Variants in LRP1B observed in about 807,000 individuals in gnomAD.
LRP1B encodes the protein low-density lipoprotein receptor-related protein 1B.
A neutral mutation model predicts 556.6 loss-of-function variants in LRP1B; 217 were observed. That is an observed-to-expected ratio of 0.39 (90% CI 0.35 to 0.44). LRP1B has a LOEUF of 0.44. Among genes scored for constraint, LRP1B ranks in the 20% least tolerant of loss-of-function variants. The pLI, the probability that LRP1B is intolerant of heterozygous loss-of-function variation, is 1.00. For missense variants in LRP1B, 5,053 were observed against 5,620.8 expected, an observed-to-expected ratio of 0.90 and a Z score of 3.23; for synonymous variants, 2,047 against 1,865.8, an observed-to-expected ratio of 1.10 and a Z score of -2.50.
intron 32 of LRP1B, among the ~76,000 whole-genome samples, chr2:140,800,417 T>C (rs1199082946): frequency 2.6e-5 from 4 of 152,180 alleles, no homozygotes; most frequent in Non-Finnish European, 1.5e-5. Context: ...AAAAGTTTGC[T>C]GCACTATTTA....
Position 140,633,383 on chromosome 2 carries a change from C to T in LRP1B, c.6800-31744G>A, listed in dbSNP as rs555088612. Among the ~76,000 whole-genome samples, 7 of 151,966 alleles carry T rather than the reference C, an allele frequency of 4.6e-5. No individual in the cohort carries two copies. In the South Asian group the frequency reaches 1.2e-3, roughly 27 times the overall value. On this transcript the variant is annotated intron_variant, in intron 41 of 90. Transcript: ENST00000389484. The stretch of plus-strand genomic sequence containing the variant: ...GCATATATTATAAAACAAGAAAGCT[C>T]AAAAATCAATAATCTCAGGCTCTAC...
chr2:141,322,053 T>A (rs1323835262), intron 3 of LRP1B, among the ~76,000 whole-genome samples: 2 of 152,138 alleles, frequency 1.3e-5, no homozygotes, highest in Non-Finnish European at 2.9e-5. Flanking sequence ...ATCCCCTTGT[T>A]AACAGTGACA....
At chr2:140,631,159 C>T (rs1361668536) in intron 41 of LRP1B, among the ~76,000 whole-genome samples, 1 of 152,156 alleles carries the variant, frequency 6.6e-6, no homozygotes. Context: ...AAACATTAAA[C>T]ATAATCCAAC....
chr2:140,466,755 A>G (rs1469489800), intron 60 of LRP1B, among the ~76,000 whole-genome samples: 1 of 152,220 alleles, frequency 6.6e-6, no homozygotes, highest in Non-Finnish European at 1.5e-5. Flanking sequence ...GAAAAAAACA[A>G]TTTATTGGAA....
chr2:141,159,480 C>T (rs924181987), intron 7 of LRP1B, among the ~76,000 whole-genome samples: 6 of 152,104 alleles, frequency 3.9e-5, no homozygotes, highest in Non-Finnish European at 7.4e-5. Context: ...AATCTTCCTG[C>T]CTTAGCCTCC....
Position 140,795,703 on chromosome 2 carries a change from T to A in LRP1B, c.5359+17954A>T, listed in dbSNP as rs1690279736. Among the ~76,000 whole-genome samples, 7 of 152,038 alleles carry A rather than the reference T, an allele frequency of 4.6e-5. No individual in the cohort carries two copies. The South Asian group carries it at 1.5e-3, about 32-fold the overall frequency. ...TATAACAAGAGGCCATCTACCTAAG[T>A]CTAGATTGGGCTGAATAAAATTGCT... On this transcript the variant is annotated intron_variant, in intron 32 of 90. Coordinates refer to ENST00000389484, the MANE Select transcript of LRP1B (RefSeq NM_018557.3).
At chr2:140,920,074 C>T (rs939208783) in intron 21 of LRP1B, among the ~76,000 whole-genome samples, 3 of 151,962 alleles carry the variant, frequency 2.0e-5, no homozygotes, top group African/African-American at 7.2e-5. Flanking sequence ...AGCTGGAGGG[C>T]CTATTTTCCC....
chr2:140,537,868 A>T (rs1257266635), intron 45 of LRP1B, among the ~76,000 whole-genome samples: 1 of 152,092 alleles, frequency 6.6e-6, no homozygotes, highest in Non-Finnish European at 1.5e-5. Flanking sequence ...ATTGAGGACA[A>T]TGGACTTATT....
intron 1 of LRP1B, among the ~76,000 whole-genome samples, chr2:142,063,166 G>A (rs1339418002): frequency 1.3e-5 from 2 of 151,054 alleles, no homozygotes; most frequent in Non-Finnish European, 3.0e-5. Context: ...CTTCCTGGAT[G>A]ATAACAGATC....
chr2:140,998,502 C>T (rs1697319150), intron 15 of LRP1B, among the ~76,000 whole-genome samples: 2 of 151,934 alleles, frequency 1.3e-5, no homozygotes, highest in Admixed American at 6.6e-5. Context: ...TAGCTTTACA[C>T]ATGCTTCTCA....
intron 41 of LRP1B, among the ~76,000 whole-genome samples, chr2:140,622,530 C>T (rs919594829): frequency 1.9e-4 from 29 of 152,128 alleles, no homozygotes; most frequent in Non-Finnish European, 3.8e-4. Context: ...CAGTATTCAA[C>T]GGCTGAGGTG....
chr2:141,943,091 A>C (rs1158381412), intron 1 of LRP1B, among the ~76,000 whole-genome samples: 1 of 152,236 alleles, frequency 6.6e-6, no homozygotes. Flanking sequence ...TAAAAGGAGA[A>C]AGTTGTGTAG....
chr2:140,789,245 G>A (rs1690021058), intron 32 of LRP1B, among the ~76,000 whole-genome samples: 1 of 152,064 alleles, frequency 6.6e-6, no homozygotes, highest in South Asian at 2.1e-4. Flanking sequence ...ATTGAAGCAG[G>A]AGTGTGAATA....
At chr2:141,844,467 A>C (rs1342690763) in intron 1 of LRP1B, among the ~76,000 whole-genome samples, 1 of 152,114 alleles carries the variant, frequency 6.6e-6, no homozygotes, top group African/African-American at 2.4e-5. Flanking sequence ...TTAACCTATG[A>C]TGCTAGTGAC....
At chr2:141,503,755 T>A (rs1044662366) in intron 2 of LRP1B, among the ~76,000 whole-genome samples, 1 of 152,118 alleles carries the variant, frequency 6.6e-6, no homozygotes, top group Admixed American at 6.6e-5. Flanking sequence ...ACTGGAGAAC[T>A]AGGTATGTCA....
intron 72 of LRP1B, among the ~76,000 whole-genome samples, chr2:140,361,341 C>CATATATATATATATATATATATAT (rs67208978): frequency 6.5e-5 from 2 of 30,728 alleles, no homozygotes; most frequent in African/African-American, 9.2e-5. Flanking sequence ...ACTTGGAAAG[C>CATATATATATATATATATATATAT]ATATATATAT....
intron 2 of LRP1B, among the ~76,000 whole-genome samples, chr2:141,707,241 A>C (rs1692176557): frequency 6.6e-6 from 1 of 152,066 alleles, no homozygotes; most frequent in Non-Finnish European, 1.5e-5. Context: ...CCCAGGCTAA[A>C]TCTCACAGCA....
intron 11 of LRP1B, among the ~76,000 whole-genome samples, chr2:141,032,481 T>C (rs575928438): frequency 6.6e-6 from 1 of 152,134 alleles, no homozygotes; most frequent in Non-Finnish European, 1.5e-5. Flanking sequence ...TATTTTCTTA[T>C]GTTCTAATAT....
Position 140,325,859 on chromosome 2 carries a change from A to G in LRP1B, c.12243T>C (p.Phe4081=). 1 of 1,612,038 alleles carries G rather than the reference A, an allele frequency of 6.2e-7. No homozygotes were observed. Among genetic ancestry groups the G allele is most frequent in the Non-Finnish European group, 8.5e-7 (1 of 1,178,640 alleles). The change falls in exon 80 of 91, where the codon TTT becomes TTC. Residue 4081 remains phenylalanine (F), a synonymous_variant. Transcript: ENST00000389484. ...QRPTGLAVDY[F]SERIYWADFE... is the part of the protein sequence containing the mutation. The stretch of plus-strand genomic sequence containing the variant: ...AGTCAGCCCAATATATGCGTTCACT[A>G]AAATAATCCACAGCCAAACCTGCAA...
Sources: allele counts gnomAD v4.1 joint callset (sites outside exome capture counted in the v4.1 genomes callset), GRCh38; gene constraint gnomAD v4.1.1; transcripts MANE v1.5; gene names NCBI Gene and HGNC (gene_info 2026-07-23, HGNC 2026-07-21).